Variants in MACF1 observed in about 807,000 individuals in gnomAD.
The protein encoded by MACF1 is microtubule-actin cross-linking factor 1.
Under a neutral mutation model 854.8 loss-of-function variants are expected in MACF1, and 193 were observed. The ratio of observed to expected loss-of-function variants is 0.23; its 90% CI spans 0.20 to 0.25. The LOEUF is 0.25. Ranked by LOEUF, MACF1 falls within the 10% of genes least tolerant of loss-of-function variation. The pLI, the probability that MACF1 is intolerant of heterozygous loss-of-function variation, is 1.00. For missense variants in MACF1, 7,722 were observed against 8,929.1 expected, an observed-to-expected ratio of 0.86 and a Z score of 5.45; for synonymous variants, 3,185 against 3,226.7, an observed-to-expected ratio of 0.99 and a Z score of 0.44.
At position 39,257,741 on chromosome 1, in the gene MACF1, C is replaced by G. The variant is rs377472799; in HGVS notation, c.436-195C>G. 26 of 535,214 alleles carry G rather than the reference C, an allele frequency of 4.9e-5. 1 individual carries two copies. The South Asian group carries it at 5.7e-4, about 12-fold the overall frequency. 33.2% of individuals were successfully genotyped at this position (535,214 alleles called of 1,614,324 possible). On this transcript the variant is annotated intron_variant, in intron 5 of 100. Transcript: ENST00000564288. ...GGTTTGATTACAAGGAGGGGGCCAG[C>G]ACAAGGGACCTTTTTGGGGTGATGA... is the stretch of plus-strand genomic sequence containing the variant.
At chr1:39,400,248 A>G (rs917072097) in intron 58 of MACF1, among the ~76,000 whole-genome samples, 3 of 152,198 alleles carry the variant, frequency 2.0e-5, no homozygotes, top group African/African-American at 7.2e-5. Flanking sequence ...TGGCTCTATC[A>G]TTTACTAGCT....
rs547360938 is a variant in MACF1 at position 39,262,516 on chromosome 1, A to G, written c.528+4488A>G. On this transcript the variant is annotated intron_variant, in intron 6 of 100. Coordinates refer to ENST00000564288, the MANE Select transcript of MACF1 (RefSeq NM_001394062.1). ...GTGAGAACAGACATACCATAAAATA[A>G]CTTGACAGAGGTTTAGAGAATGAGA... Among the ~76,000 whole-genome samples, 4 of 152,192 alleles carry G rather than the reference A, an allele frequency of 2.6e-5. No individual in the cohort carries two copies. The South Asian group carries it at 6.2e-4, about 24-fold the overall frequency.
chr1:39,267,474 G>A (rs936521624), intron 6 of MACF1, among the ~76,000 whole-genome samples: 6 of 152,136 alleles, frequency 3.9e-5, no homozygotes, highest in Admixed American at 6.5e-5. Context: ...CAGGCAATCC[G>A]CCTGCCTTGG....
chr1:39,411,447 T>A lies in MACF1; in HGVS notation c.15817-10927T>A, dbSNP rs758167080. The stretch of plus-strand genomic sequence containing the variant: ...TTGGCCACCTATCTCTTGGTCAGAT[T>A]TGTTGCCCTGATGACCCACAGCCAG... On this transcript the variant is annotated intron_variant, in intron 58 of 100. Transcript: ENST00000564288. 5.0e-6 allele frequency: 8 copies of A among 1,613,932 alleles called. No individual in the cohort carries two copies. The Admixed American group carries it at 1.3e-4, about 27-fold the overall frequency.
At chr1:39,414,515 G>A (rs1430182571) in intron 58 of MACF1, 4 of 1,610,248 alleles carry the variant, frequency 2.5e-6, no homozygotes, top group Non-Finnish European at 3.4e-6. Flanking sequence ...GGTCTAAAGA[G>A]TAAAGTGAGA....
intron 2 of MACF1, among the ~76,000 whole-genome samples, chr1:39,233,802 ATTTTT>A: frequency 1.4e-5 from 1 of 70,118 alleles, no homozygotes; most frequent in East Asian, 4.4e-4. Flanking sequence ...TTTTTTATTT[ATTTTT>A]TATTGATAAT....
chr1:39,222,270 G>A (rs1644662656), intron 1 of MACF1, among the ~76,000 whole-genome samples: 2 of 152,128 alleles, frequency 1.3e-5, no homozygotes, highest in Non-Finnish European at 2.9e-5. Flanking sequence ...GACCACAGGC[G>A]CAAGCCACCA....
chr1:39,103,383 T>C (rs1483798534), intron 2 of MACF1: 3 of 207,878 alleles, frequency 1.4e-5, no homozygotes, highest in African/African-American at 7.0e-5. Context: ...GGGGGTGAGA[T>C]GTCTGTGTGG....
chr1:39,239,997 A>G (rs1386752267), intron 2 of MACF1, among the ~76,000 whole-genome samples: 1 of 152,130 alleles, frequency 6.6e-6, no homozygotes, highest in African/African-American at 2.4e-5. Flanking sequence ...GTGCTCAAGG[A>G]ATCTTTGGCC....
At chr1:39,431,585 C>T (rs6680153) in intron 66 of MACF1, among the ~76,000 whole-genome samples, 4,798 of 152,126 alleles carry the variant, frequency 0.032, 256 homozygotes, top group African/African-American at 0.11. Context: ...TTATCTTGGC[C>T]AGATATTTCA....
intron 2 of MACF1, among the ~76,000 whole-genome samples, chr1:39,091,784 C>G (rs1641814150): frequency 6.6e-6 from 1 of 152,156 alleles, no homozygotes; most frequent in South Asian, 2.1e-4. Flanking sequence ...ACAGCCACTG[C>G]ACCCGGCTGC....
At chr1:39,126,102 A>G (rs553361349) in intron 2 of MACF1, among the ~76,000 whole-genome samples, 1 of 152,328 alleles carries the variant, frequency 6.6e-6, no homozygotes, top group East Asian at 1.9e-4. Flanking sequence ...TAGTAATAAC[A>G]ATAACGAAGT....
At chr1:39,307,296 A>G (rs1176415257) in intron 23 of MACF1, among the ~76,000 whole-genome samples, 2 of 149,880 alleles carry the variant, frequency 1.3e-5, no homozygotes, top group East Asian at 1.9e-4. Context: ...TTAGATTTAC[A>G]TAATAGTAAA....
chr1:39,225,774 C>T (rs1644709673), intron 1 of MACF1, among the ~76,000 whole-genome samples: 1 of 152,130 alleles, frequency 6.6e-6, no homozygotes, highest in Admixed American at 6.5e-5. Flanking sequence ...ACTTTTACCT[C>T]AGTTTTATCT....
intron 2 of MACF1, chr1:39,103,624 C>T (rs1228664798): frequency 6.6e-6 from 1 of 152,376 alleles, no homozygotes; most frequent in East Asian, 1.9e-4. Flanking sequence ...ACTTATTCCC[C>T]TTCTTTTTGT....
At chr1:39,259,247 T>C (rs1177548310) in intron 6 of MACF1, among the ~76,000 whole-genome samples, 6 of 152,216 alleles carry the variant, frequency 3.9e-5, no homozygotes, top group Non-Finnish European at 8.8e-5. Context: ...ATTCACTGTC[T>C]CTATTCACCC....
At chr1:39,255,583 C>T (rs534581401) in intron 5 of MACF1, among the ~76,000 whole-genome samples, 1 of 152,348 alleles carries the variant, frequency 6.6e-6, no homozygotes, top group South Asian at 2.1e-4. Context: ...CAATTTACTT[C>T]TGGTATAACA....
intron 1 of MACF1, among the ~76,000 whole-genome samples, chr1:39,212,063 A>C (rs1294708086): frequency 6.6e-6 from 1 of 152,008 alleles, no homozygotes; most frequent in Non-Finnish European, 1.5e-5. Flanking sequence ...TTCTGTAAGA[A>C]AGCCAGTAGC....
chr1:39,437,833 G>C lies in MACF1; in HGVS notation c.18045G>C (p.Leu6015=). ...CACTGGAGAATCTTTCCTCTCGCCT[G>C]CGTATGCCACCACTGATCCCTGCTG... ...LETLENLSSR[L]RMPPLIPAEV... Residue 6015 remains leucine, a synonymous_variant, in exon 71 of 101, where the codon CTG becomes CTC. Coordinates refer to ENST00000564288, the MANE Select transcript of MACF1 (RefSeq NM_001394062.1). The C allele has an allele frequency of 6.2e-7, 1 of 1,614,126 alleles. No individual in the cohort carries two copies. Among genetic ancestry groups the C allele is most frequent in the Non-Finnish European group, 8.5e-7 (1 of 1,180,010 alleles).
Sources: gnomAD v4.1 joint callset for allele counts (sites outside exome capture counted in the v4.1 genomes callset) on GRCh38, gnomAD v4.1.1 for gene constraint, MANE v1.5 for transcripts, NCBI Gene and HGNC (gene_info 2026-07-23, HGNC 2026-07-21) for gene names.